Variants in TSGA10 observed in about 807,000 individuals in gnomAD.
The protein encoded by TSGA10 is testis specific 10.
In TSGA10, 43 loss-of-function variants were observed where a neutral mutation model predicts 96.6. That is an observed-to-expected ratio of 0.44 (90% CI 0.35 to 0.57). The LOEUF (loss-of-function observed/expected upper bound fraction) is 0.57, where lower values mean the gene tolerates loss of function less well. Ranked by LOEUF, TSGA10 falls within the 20% of genes least tolerant of loss-of-function variation. The pLI, the probability that TSGA10 is intolerant of heterozygous loss-of-function variation, is 0.01. For synonymous variants in TSGA10, 229 were observed against 269.9 expected (o/e 0.85, Z 1.48); for missense variants, 703 against 834.4 (o/e 0.84, Z 1.94).
intron 16 of TSGA10, among the ~76,000 whole-genome samples, chr2:99,048,436 A>C (rs940565328): frequency 1.3e-5 from 2 of 152,158 alleles, no homozygotes; most frequent in African/African-American, 4.8e-5. Flanking sequence ...ACACATCTAC[A>C]ACTATCTGCT....
chr2:99,096,316 C>T (rs1488694594), intron 10 of TSGA10, among the ~76,000 whole-genome samples: 1 of 152,216 alleles, frequency 6.6e-6, no homozygotes, highest in Non-Finnish European at 1.5e-5. Flanking sequence ...TTGTTATACA[C>T]CTTTCTAAGT....
chr2:99,119,623 A>G (rs1165693325), intron 2 of TSGA10, among the ~76,000 whole-genome samples: 1 of 152,188 alleles, frequency 6.6e-6, no homozygotes, highest in Non-Finnish European at 1.5e-5. Context: ...TCAGGAAAAT[A>G]CGTGCCTTTT....
chr2:99,017,705 C>A (rs940734657), intron 20 of TSGA10, among the ~76,000 whole-genome samples: 10 of 148,500 alleles, frequency 6.7e-5, no homozygotes, highest in African/African-American at 2.2e-4. Flanking sequence ...GCGGAGCTTG[C>A]AGTGAGCCGA....
intron 16 of TSGA10, among the ~76,000 whole-genome samples, chr2:99,036,922 A>G (rs749630649): frequency 2.0e-5 from 3 of 152,208 alleles, no homozygotes; most frequent in Admixed American, 6.5e-5. Flanking sequence ...CAAAGAAGAC[A>G]TAACAATCCT....
chr2:99,110,260 T>A (rs1449027733), intron 5 of TSGA10, among the ~76,000 whole-genome samples: 1 of 152,250 alleles, frequency 6.6e-6, no homozygotes, highest in African/African-American at 2.4e-5. Flanking sequence ...AACTGAATGC[T>A]GGATATTCCA....
intron 17 of TSGA10, among the ~76,000 whole-genome samples, chr2:99,023,063 C>T (rs1164682000): frequency 1.3e-5 from 2 of 152,128 alleles, no homozygotes; most frequent in African/African-American, 2.4e-5. Flanking sequence ...TTCTGTCACC[C>T]AGGCTGGAGT....
chr2:99,142,253 G>A (rs570944529), intron 1 of TSGA10: 1 of 152,318 alleles, frequency 6.6e-6, no homozygotes, highest in South Asian at 2.1e-4. Flanking sequence ...GCTTCTGGAT[G>A]ATAATGGTGA....
chr2:99,038,532 A>G (rs911545735), intron 16 of TSGA10, among the ~76,000 whole-genome samples: 2 of 152,222 alleles, frequency 1.3e-5, no homozygotes, highest in African/African-American at 4.8e-5. Context: ...AGCAAACTTT[A>G]AAGCAACAAC....
chr2:99,145,419 C>T (rs969464214), intron 1 of TSGA10, among the ~76,000 whole-genome samples: 9 of 152,136 alleles, frequency 5.9e-5, no homozygotes, highest in Admixed American at 4.6e-4. Context: ...ATTAACTGAT[C>T]GTGGTGGCAG....
intron 10 of TSGA10, among the ~76,000 whole-genome samples, chr2:99,086,391 C>A (rs1274014896): frequency 6.6e-6 from 1 of 152,138 alleles, no homozygotes; most frequent in Non-Finnish European, 1.5e-5. Flanking sequence ...CTACTATGAC[C>A]AAGTGGGGTT....
At chr2:99,034,489 T>A (rs921873761) in intron 17 of TSGA10, among the ~76,000 whole-genome samples, 1 of 152,174 alleles carries the variant, frequency 6.6e-6, no homozygotes, top group Admixed American at 6.5e-5. Context: ...AAATACACTA[T>A]GCATCTTCTA....
intron 1 of TSGA10, among the ~76,000 whole-genome samples, chr2:99,135,791 C>T (rs1196360446): frequency 6.6e-6 from 1 of 151,978 alleles, no homozygotes; most frequent in Admixed American, 6.6e-5. Flanking sequence ...GGCGGATCAC[C>T]TGAGGTCAGG....
At chr2:99,016,504 C>T (rs1053211251) in intron 20 of TSGA10, among the ~76,000 whole-genome samples, 1 of 152,090 alleles carries the variant, frequency 6.6e-6, no homozygotes, top group South Asian at 2.1e-4. Context: ...TCAAGATGAT[C>T]AAAGACCTAA....
intron 20 of TSGA10, among the ~76,000 whole-genome samples, chr2:99,003,423 T>G (rs916324796): frequency 2.6e-5 from 4 of 152,178 alleles, no homozygotes; most frequent in Non-Finnish European, 4.4e-5. Flanking sequence ...TATCCAGGAC[T>G]TGAACTCAGC....
At position 99,154,822 on chromosome 2, in the gene TSGA10, C is replaced by T; in HGVS notation, c.-750G>A. ...CCCTGCCTGGAACCTGGTTCCCGCC[C>T]TGAAGGACCCTTACTTAGCACTCCT... On this transcript the variant is annotated 5_prime_UTR_variant, in exon 1 of 21. Coordinates refer to ENST00000393483, the MANE Select transcript of TSGA10 (RefSeq NM_025244.4). 1 of 331,072 alleles carries T rather than the reference C, an allele frequency of 3.0e-6. No individual in the cohort carries two copies. Among genetic ancestry groups the T allele is most frequent in the Non-Finnish European group, 6.0e-6 (1 of 167,240 alleles). The allele number at this position is 331,072 out of a possible 1,614,324, so 20.5% of individuals were successfully genotyped here. A position where few individuals can be genotyped will look rare whatever the true frequency, so the allele number is the denominator to read the frequency against.
intron 1 of TSGA10, among the ~76,000 whole-genome samples, chr2:99,151,920 G>A (rs142157909): frequency 1.1e-4 from 16 of 152,200 alleles, no homozygotes; most frequent in Admixed American, 8.5e-4. Flanking sequence ...CATCTTTTCC[G>A]GGGGGAAGCT....
intron 2 of TSGA10, chr2:99,125,591 T>C (rs920213392): frequency 6.6e-6 from 1 of 152,208 alleles, no homozygotes; most frequent in African/African-American, 2.4e-5. Flanking sequence ...TTACAATGCC[T>C]TTTTTAAAAA....
chr2:99,071,717 G>C lies in TSGA10; in HGVS notation c.1096C>G (p.Gln366Glu), dbSNP rs751069268. The C allele has an allele frequency of 1.6e-5, 25 of 1,610,088 alleles. No homozygotes were observed. Among genetic ancestry groups the C allele is most frequent in the Non-Finnish European group, 2.0e-5 (24 of 1,178,472 alleles). The change falls in exon 14 of 21, where the codon CAA becomes GAA. Residue 366 changes from glutamine (Q) to glutamate (E), a missense_variant. Gln to Glu is a conservative substitution (Grantham distance 29). Transcript: ENST00000393483. ...AGGAACAAGTGTACCTGGTTTTCTT[G>C]TTTAGCTTTAGCAAACTGTTCCTGG... is the stretch of plus-strand genomic sequence containing the variant. ...NLQEQFAKAK[Q>E]ENQALSKKLN...
At chr2:99,071,198 C>T (rs989019908) in intron 14 of TSGA10, among the ~76,000 whole-genome samples, 1 of 151,936 alleles carries the variant, frequency 6.6e-6, no homozygotes, top group African/African-American at 2.4e-5. Context: ...TTTAAATGTT[C>T]ACGTTAAAAT....
Sources: gnomAD v4.1 joint callset for allele counts (sites outside exome capture counted in the v4.1 genomes callset) on GRCh38, gnomAD v4.1.1 for gene constraint, MANE v1.5 for transcripts, NCBI Gene and HGNC (gene_info 2026-07-23, HGNC 2026-07-21) for gene names.